Variants in SMPD4 observed in about 807,000 individuals in gnomAD.
SMPD4 encodes the protein neutral sphingomyelinase 3.
SMPD4 carries 58 observed loss-of-function variants against 97.8 expected under a neutral mutation model. The observed-to-expected ratio is 0.59, with a 90% CI of 0.48 to 0.74. The LOEUF (loss-of-function observed/expected upper bound fraction) is 0.74. SMPD4 is among the 30% of genes least tolerant of loss of function. The probability of loss-of-function intolerance (pLI) is 0.00; values close to 1 mark genes in which losing one functional copy is unlikely to be tolerated. For synonymous variants in SMPD4, 388 were observed against 450.0 expected, an observed-to-expected ratio of 0.86 and a Z score of 1.74; for missense variants, 853 against 1,080.5, an observed-to-expected ratio of 0.79 and a Z score of 2.95.
rs750479951 is a variant in SMPD4, at chr2:130,173,360, C to T, written c.270-6G>A. On this transcript the variant is annotated splice_region_variant and splice_polypyrimidine_tract_variant and intron_variant, in intron 4 of 19. Transcript: ENST00000680298. ...CCAACTTCATCATTGGGCCACTGAA[C>T]ACGAAATTGAACAAACAAACAAAAA... 1.9e-6 allele frequency: 3 copies of T among 1,611,850 alleles called. No individual in the cohort carries two copies. Among genetic ancestry groups the T allele is most frequent in the Non-Finnish European group, 2.5e-6 (3 of 1,179,268 alleles).
chr2:130,162,921 A>T (rs1167787148), intron 10 of SMPD4, among the ~76,000 whole-genome samples: 1 of 152,210 alleles, frequency 6.6e-6, no homozygotes, highest in Non-Finnish European at 1.5e-5. Context: ...TCTGGCCAAG[A>T]GGAAGCAAAT....
intron 10 of SMPD4, among the ~76,000 whole-genome samples, chr2:130,163,643 G>A (rs1447374286): frequency 6.6e-6 from 1 of 152,282 alleles, no homozygotes; most frequent in Non-Finnish European, 1.5e-5. Context: ...GGGCACGGAT[G>A]GGCATGAGTC....
chr2:130,159,947 G>A (rs746044022), intron 11 of SMPD4, among the ~76,000 whole-genome samples: 1 of 152,164 alleles, frequency 6.6e-6, no homozygotes, highest in Non-Finnish European at 1.5e-5. Context: ...CCCTGCCGCC[G>A]GCAGTCACAT....
Position 130,152,293 on chromosome 2 carries a change from A to C in SMPD4, c.*262T>G. 2.4e-6 allele frequency: 1 copy of C among 418,478 alleles called. No individual in the cohort carries two copies. 25.9% of individuals were successfully genotyped at this position (418,478 alleles called of 1,614,324 possible). The stretch of plus-strand genomic sequence containing the variant: ...TGGCTTGGCCGTGAGTCCTTGGCGG[A>C]GGGAGGGAAAGGCCGCCGCTGAGCT... On this transcript the variant is annotated 3_prime_UTR_variant, in exon 20 of 20. Coordinates refer to ENST00000680298, the MANE Select transcript of SMPD4 (RefSeq NM_017951.5).
intron 9 of SMPD4, among the ~76,000 whole-genome samples, chr2:130,164,715 T>C (rs904347673): frequency 1.2e-4 from 19 of 152,082 alleles, no homozygotes; most frequent in Non-Finnish European, 2.8e-4. Context: ...TAATTAGATA[T>C]GATGCCCAAA....
At chr2:130,162,662 C>A (rs1380263270) in intron 10 of SMPD4, among the ~76,000 whole-genome samples, 1 of 152,202 alleles carries the variant, frequency 6.6e-6, no homozygotes, top group South Asian at 2.1e-4. Flanking sequence ...CTTCCTGCAT[C>A]TGAAAATAAG....
Position 130,164,370 on chromosome 2 carries a change from A to C in SMPD4, c.864+4T>G, listed in dbSNP as rs1687725724. ...GGAGGTGGGAAGAAAAACTGAAAAC[A>C]TACCTTGGCATGAGGGGACTGCATT... On this transcript the variant is annotated splice_donor_region_variant and intron_variant, in intron 10 of 19. Transcript: ENST00000680298. The C allele has an allele frequency of 6.2e-7, 1 of 1,613,456 alleles. No homozygotes were observed. The highest frequency in any genetic ancestry group is 8.5e-7 in the Non-Finnish European group (1 of 1,179,516).
intron 13 of SMPD4, 154 bp downstream of exon 13, chr2:130,156,431 C>T: frequency 1.2e-6 from 1 of 829,244 alleles, no homozygotes; most frequent in Non-Finnish European, 1.9e-6. Context: ...GCTTTGGAAA[C>T]TCAAACAGAA....
chr2:130,181,732 A>T (rs1277140012), upstream of SMPD4: 1 of 1,548,788 alleles, frequency 6.5e-7, no homozygotes, highest in Non-Finnish European at 8.7e-7. Context: ...GCGAGGCAGG[A>T]GTGCGGGGGA....
intron 8 of SMPD4, among the ~76,000 whole-genome samples, chr2:130,168,465 G>A (rs2104876502): frequency 6.6e-6 from 1 of 152,148 alleles, no homozygotes; most frequent in East Asian, 1.9e-4. Context: ...ATCAAAAGTG[G>A]ATGTTAATAC....
chr2:130,176,004 T>C (rs988087233), intron 2 of SMPD4, among the ~76,000 whole-genome samples: 1 of 151,994 alleles, frequency 6.6e-6, no homozygotes, highest in African/African-American at 2.4e-5. Context: ...CATTTTTTTT[T>C]CCTTTTTGAG....
intron 11 of SMPD4, among the ~76,000 whole-genome samples, chr2:130,160,801 A>C (rs1687320323): frequency 6.6e-6 from 1 of 151,936 alleles, no homozygotes; most frequent in East Asian, 1.9e-4. Context: ...GCTCCTTCCT[A>C]AGCGCCAGAC....
chr2:130,170,626 T>C (rs1008669535), intron 8 of SMPD4, among the ~76,000 whole-genome samples: 12 of 151,408 alleles, frequency 7.9e-5, no homozygotes, highest in African/African-American at 2.9e-4. Flanking sequence ...AAGCTAGGTG[T>C]GGGGGTGCAT....
At chr2:130,177,725 G>A (rs1689106577) in intron 1 of SMPD4, among the ~76,000 whole-genome samples, 1 of 151,620 alleles carries the variant, frequency 6.6e-6, no homozygotes, top group Non-Finnish European at 1.5e-5. Flanking sequence ...AAGAAATACT[G>A]TTCTCCTGCA....
intron 9 of SMPD4, among the ~76,000 whole-genome samples, chr2:130,167,071 C>A (rs1558755156): frequency 6.6e-6 from 1 of 152,108 alleles, no homozygotes; most frequent in Non-Finnish European, 1.5e-5. Context: ...TGAGGGGCCG[C>A]CTCTGGGACT....
rs1687372293 is a variant in SMPD4 at position 130,161,241 on chromosome 2, G to A, written c.896C>T (p.Ser299Phe). 1 of 1,613,928 alleles carries A rather than the reference G, an allele frequency of 6.2e-7. No homozygotes were observed. Among genetic ancestry groups the A allele is most frequent in the African/African-American group, 1.3e-5 (1 of 74,920 alleles). The change falls in exon 11 of 20, where the codon TCC (serine) becomes TTC (phenylalanine). Residue 299 changes from serine to phenylalanine, a missense_variant. Physicochemically the swap from Ser to Phe is radical, Grantham distance 155. Coordinates refer to ENST00000680298, the MANE Select transcript of SMPD4 (RefSeq NM_017951.5). ...LEVLHYRLSV[S>F]SALYSPAQPS... ...TTGGGCGGGGCTGTAGAGGGCGCTG[G>A]AGACACTGAGTCGGTAGTGCAGAAC... is the stretch of plus-strand genomic sequence containing the variant.
chr2:130,153,428 T>G lies in SMPD4; in HGVS notation c.1916A>C (p.Gln639Pro), dbSNP rs779983560. 4.5e-5 allele frequency: 73 copies of G among 1,613,760 alleles called. No homozygotes were observed. The highest frequency in any genetic ancestry group is 1.0e-4 in the Admixed American group (6 of 60,010). Residue 639 changes from glutamine (Q) to proline (P), a missense_variant, in exon 18 of 20, where the codon CAG becomes CCG. Physicochemically the swap from Gln to Pro is moderately conservative, Grantham distance 76. Coordinates refer to ENST00000680298, the MANE Select transcript of SMPD4 (RefSeq NM_017951.5). ...IFRLSEAQLRQFTLALGTTQD... is the reference protein window; with the variant it reads ...IFRLSEAQLRPFTLALGTTQD... ...GGTGGTGCCCAAGGCGAGTGTGAAC[T>G]GCCTGAGCTGCGCTTCGCTGAGCTG...
At position 130,175,101 on chromosome 2, in the gene SMPD4, T is replaced by C. The variant is rs1344645534; in HGVS notation, c.40-101A>G. The C allele has an allele frequency of 7.3e-6, 6 of 819,346 alleles. No homozygotes were observed. In the Admixed American group the frequency reaches 1.1e-4, roughly 15 times the overall value. 50.8% of individuals were successfully genotyped at this position (819,346 alleles called of 1,614,324 possible). On this transcript the variant is annotated intron_variant, in intron 2 of 19. Coordinates refer to ENST00000680298, the MANE Select transcript of SMPD4 (RefSeq NM_017951.5). ...AAACAGAAATCCAAGCAATAGGTTA[T>C]GAGTCAGACCCATAACCTCTGGCCT...
At chr2:130,159,704 A>T (rs1288526358) in intron 11 of SMPD4, 1 of 151,704 alleles carries the variant, frequency 6.6e-6, no homozygotes, top group African/African-American at 2.4e-5. Flanking sequence ...ATACTGCCCA[A>T]CTAGAAGGGC....
Sources: allele counts gnomAD v4.1 joint callset (sites outside exome capture counted in the v4.1 genomes callset), GRCh38; gene constraint gnomAD v4.1.1; transcripts MANE v1.5; gene names NCBI Gene and HGNC (gene_info 2026-07-23, HGNC 2026-07-21).